RASA3: variants seen among roughly 807,000 people sequenced by gnomAD.
RASA3 encodes the protein ras GTPase-activating protein 3.
A neutral mutation model predicts 110.0 loss-of-function variants in RASA3; 73 were observed. The observed-to-expected ratio is 0.66, with a 90% CI of 0.55 to 0.81. The LOEUF is 0.81. Ranked by LOEUF, RASA3 falls within the 30% of genes least tolerant of loss-of-function variation. RASA3 has a pLI of 0.00. For missense variants in RASA3, 976 were observed against 1,113.2 expected, an observed-to-expected ratio of 0.88 and a Z score of 1.75; for synonymous variants, 500 against 451.4, an observed-to-expected ratio of 1.11 and a Z score of -1.37.
intron 4 of RASA3, among the ~76,000 whole-genome samples, chr13:114,030,909 G>A (rs1332225209): frequency 6.6e-6 from 1 of 151,560 alleles, no homozygotes; most frequent in South Asian, 2.1e-4. Flanking sequence ...GTCTATGTGT[G>A]TCTGCCTATG....
intron 16 of RASA3, among the ~76,000 whole-genome samples, chr13:114,010,644 C>T (rs1362980444): frequency 6.8e-5 from 5 of 73,712 alleles, no homozygotes; most frequent in Admixed American, 1.5e-4. Flanking sequence ...GGGGAGGAAG[C>T]GCCACGTGGG....
At position 114,018,195 on chromosome 13, in the gene RASA3, C is replaced by T. The variant is rs1264512930; in HGVS notation, c.1000G>A (p.Ala334Thr). Residue 334 changes from alanine to threonine, a missense_variant, in exon 11 of 24, where the codon GCG becomes ACG. Coordinates refer to ENST00000334062, the MANE Select transcript of RASA3 (RefSeq NM_007368.4). ...AAGAGCCGCACCAGCGGGACGGCCG[C>T]CTCCTGCTTCTCCCGGCAAACCTCG... ...LGEVCREKQEAAVPLVRLFLH... is the reference protein window; with the variant it reads ...LGEVCREKQETAVPLVRLFLH... The T allele has an allele frequency of 1.3e-6, 2 of 1,552,906 alleles. No homozygotes were observed. Among genetic ancestry groups the T allele is most frequent in the South Asian group, 2.4e-5 (2 of 84,184 alleles).
intron 2 of RASA3, among the ~76,000 whole-genome samples, chr13:114,061,626 G>A (rs1187758848): frequency 2.7e-5 from 4 of 148,758 alleles, no homozygotes; most frequent in Non-Finnish European, 5.9e-5. Flanking sequence ...GCAGTGAACC[G>A]AGATCGCACC....
At chr13:114,027,590 G>A in intron 6 of RASA3, 129 bp from the exon 7 acceptor site, 1 of 792,004 alleles carries the variant, frequency 1.3e-6, no homozygotes, top group Non-Finnish European at 2.0e-6. Context: ...TATTTCTGCT[G>A]GTCTCCAACT....
chr13:114,004,989 G>A (rs1309359130), intron 18 of RASA3, among the ~76,000 whole-genome samples: 2 of 152,204 alleles, frequency 1.3e-5, no homozygotes, highest in Non-Finnish European at 2.9e-5. Context: ...GGAACTAGAG[G>A]TTGTTATCTT....
chr13:114,068,484 C>T (rs2079494655), intron 2 of RASA3, among the ~76,000 whole-genome samples: 2 of 152,258 alleles, frequency 1.3e-5, no homozygotes. Flanking sequence ...ACTAACCCAG[C>T]AAGGAGAGAT....
intron 1 of RASA3, among the ~76,000 whole-genome samples, chr13:114,102,368 T>A (rs892095212): frequency 6.8e-6 from 1 of 146,778 alleles, no homozygotes; most frequent in Non-Finnish European, 1.5e-5. Context: ...AGAGCGAGAG[T>A]GAAGGAGGAA....
Position 114,112,393 on chromosome 13 carries a change from G to A in RASA3, c.55+20042C>T, listed in dbSNP as rs12585510. ...CTCCCCGAAGGAGCAGAAGCTCTGCGGGTGACTGTTTGGGAAGCTGGTCTG... is the reference window on the plus strand; with the variant it reads ...CTCCCCGAAGGAGCAGAAGCTCTGCAGGTGACTGTTTGGGAAGCTGGTCTG... On this transcript the variant is annotated intron_variant, in intron 1 of 23. Coordinates refer to ENST00000334062, the MANE Select transcript of RASA3 (RefSeq NM_007368.4). This position sits in a 1 kb window ranked among gnomAD's most constrained non-coding sequence, Gnocchi z 4.8. Among the ~76,000 whole-genome samples, 54,575 of 152,010 alleles carry A rather than the reference G, an allele frequency of 0.36. 10,254 individuals are homozygous for A. Among genetic ancestry groups the A allele is most frequent in the Non-Finnish European group, 0.41 (28,166 of 67,948 alleles).
intron 3 of RASA3, among the ~76,000 whole-genome samples, chr13:114,042,961 T>C (rs2054445557): frequency 6.6e-6 from 1 of 152,190 alleles, no homozygotes; most frequent in Non-Finnish European, 1.5e-5. Context: ...CTGCCAGCGT[T>C]CCTTCCTATG....
chr13:114,033,754 G>A (rs2054227548), intron 4 of RASA3, among the ~76,000 whole-genome samples: 1 of 152,224 alleles, frequency 6.6e-6, no homozygotes, highest in African/African-American at 2.4e-5. Flanking sequence ...GCAGGTGTGG[G>A]AGGTGGGGCC....
chr13:113,992,440 C>G (rs1334597525), intron 22 of RASA3, 45 bp downstream of exon 22: 1 of 1,523,078 alleles, frequency 6.6e-7, no homozygotes, highest in East Asian at 2.3e-5. Context: ...GGGGCCTCGC[C>G]AGCCATCCCC....
chr13:114,056,379 C>T lies in RASA3; in HGVS notation c.174-4224G>A, dbSNP rs988932664. On this transcript the variant is annotated intron_variant, in intron 2 of 23. Coordinates refer to ENST00000334062, the MANE Select transcript of RASA3 (RefSeq NM_007368.4). The surrounding 1 kb of genome is among the most constrained non-coding windows in gnomAD (Gnocchi z 5.7). ...GGGCGCCGCGCACCTGGCATTTAAC[C>T]CTGCACACTTCCTCACCACCCTGAT... 7 of 934,470 alleles carry T rather than the reference C, an allele frequency of 7.5e-6. No homozygotes were observed. The highest frequency in any genetic ancestry group is 1.2e-4 in the Admixed American group (2 of 16,202). The allele number at this position is 934,470 out of a possible 1,614,324, so 57.9% of individuals were successfully genotyped here. A position where few individuals can be genotyped will look rare whatever the true frequency, so the allele number is the denominator to read the frequency against.
chr13:114,109,006 A>T (rs2080179773), intron 1 of RASA3, among the ~76,000 whole-genome samples: 1 of 152,146 alleles, frequency 6.6e-6, no homozygotes, highest in Non-Finnish European at 1.5e-5. Flanking sequence ...TATCACAGCA[A>T]GGCCTCTCCA....
At chr13:114,101,612 C>G (rs61971965) in intron 1 of RASA3, among the ~76,000 whole-genome samples, 10,244 of 152,322 alleles carry the variant, frequency 0.067, 452 homozygotes, top group Middle Eastern at 0.2. Flanking sequence ...TGGCTGTCCT[C>G]GTTTCCAAGT....
Position 114,018,612 on chromosome 13 carries a change from G to A in RASA3, c.942+151C>T. On this transcript the variant is annotated intron_variant, in intron 10 of 23. Coordinates refer to ENST00000334062, the MANE Select transcript of RASA3 (RefSeq NM_007368.4). ...CAGTGCCCCCAGCAAAGGGGTCCAG[G>A]CATCTGGACGGGAAACAGGCCAGGC... 3.0e-6 allele frequency: 3 copies of A among 990,380 alleles called. No individual in the cohort carries two copies. The Admixed American group carries it at 8.3e-5, about 28-fold the overall frequency. 61.3% of individuals were successfully genotyped at this position (990,380 alleles called of 1,614,324 possible).
At position 114,130,268 on chromosome 13, in the gene RASA3, G is replaced by A. The variant is rs116526616; in HGVS notation, c.55+2167C>T. ...GCAGCCAGCCCTGCAGGTGACCTCT[G>A]GAGGGGAGAGGAAACGGGGACTTCT... is the stretch of plus-strand genomic sequence containing the variant. On this transcript the variant is annotated intron_variant, in intron 1 of 23. Transcript: ENST00000334062. 3.7e-3 allele frequency among the ~76,000 whole-genome samples: 559 copies of A among 152,338 alleles called. 3 individuals are homozygous for A. Among genetic ancestry groups the A allele is most frequent in the African/African-American group, 0.013 (533 of 41,576 alleles).
chr13:114,076,080 G>T (rs956003056), intron 1 of RASA3, among the ~76,000 whole-genome samples: 1 of 152,068 alleles, frequency 6.6e-6, no homozygotes, highest in Non-Finnish European at 1.5e-5. Flanking sequence ...AGCTCTCAGG[G>T]TCTCACTGCT....
intron 1 of RASA3, among the ~76,000 whole-genome samples, chr13:114,107,973 G>A (rs1021180520): frequency 1.3e-5 from 2 of 151,992 alleles, no homozygotes; most frequent in Admixed American, 6.5e-5. Context: ...CTGCTTCCTC[G>A]CCGGCATGGT....
intron 2 of RASA3, among the ~76,000 whole-genome samples, chr13:114,073,354 C>T (rs71449066): frequency 4.7e-5 from 5 of 106,366 alleles, no homozygotes; most frequent in Admixed American, 9.4e-5. Context: ...GCTTGGGACA[C>T]TGTCTACACA....
Sources: gnomAD v4.1 joint callset for allele counts (sites outside exome capture counted in the v4.1 genomes callset) on GRCh38, gnomAD v4.1.1 for gene constraint, Gnocchi (gnomAD v3.1) non-coding constraint, MANE v1.5 for transcripts, NCBI Gene and HGNC (gene_info 2026-07-23, HGNC 2026-07-21) for gene names.